AXDND1: variants seen among roughly 807,000 people sequenced by gnomAD.
The protein encoded by AXDND1 is axonemal dynein light chain domain-containing protein 1.
Under a neutral mutation model 137.5 loss-of-function variants are expected in AXDND1, and 110 were observed. The ratio of observed to expected loss-of-function variants is 0.80; its 90% CI spans 0.69 to 0.94. AXDND1 has a LOEUF of 0.94. AXDND1 is among the 40% of genes least tolerant of loss of function. AXDND1 has a pLI of 0.00. For missense variants in AXDND1, 1,191 were observed against 1,169.8 expected (o/e 1.02, Z -0.26); for synonymous variants, 414 against 399.7 (o/e 1.04, Z -0.43).
chr1:179,483,140 G>C lies in AXDND1; in HGVS notation c.2010G>C (p.Ala670=). ...ATTTTTCCTTCAGGGTACTCCAAGC[G>C]TATATATTTAACATGATTCAACAAT... is the stretch of plus-strand genomic sequence containing the variant. ...IDVDSVSVLQ[A]YIFNMIQQWL... The change falls in exon 18 of 26, where the codon GCG becomes GCC. Residue 670 remains alanine, a synonymous_variant. Coordinates refer to ENST00000367618, the MANE Select transcript of AXDND1 (RefSeq NM_144696.6). The C allele has an allele frequency of 6.3e-7, 1 of 1,597,742 alleles. No homozygotes were observed. Among genetic ancestry groups the C allele is most frequent in the Admixed American group, 1.7e-5 (1 of 58,000 alleles).
intron 15 of AXDND1, among the ~76,000 whole-genome samples, chr1:179,433,746 G>C (rs933582861): frequency 7.9e-5 from 12 of 152,168 alleles, no homozygotes; most frequent in African/African-American, 2.4e-5. Flanking sequence ...TATGATTTCA[G>C]TTCTTTTGCA....
chr1:179,382,243 T>TC, intron 6 of AXDND1, among the ~76,000 whole-genome samples: 1 of 131,046 alleles, frequency 7.6e-6, no homozygotes, highest in African/African-American at 2.8e-5. Context: ...CATGCCCGGC[T>TC]AATTCTTTTG....
intron 17 of AXDND1, among the ~76,000 whole-genome samples, chr1:179,476,383 A>G (rs963891198): frequency 1.3e-5 from 2 of 152,190 alleles, no homozygotes; most frequent in Admixed American, 1.3e-4. Flanking sequence ...TTCTTTAGTC[A>G]GTTAAGAAAT....
intron 16 of AXDND1, chr1:179,457,367 T>G (rs1209227983): frequency 5.3e-5 from 25 of 470,988 alleles, no homozygotes; most frequent in Admixed American, 3.5e-4. Flanking sequence ...TAATGATGCT[T>G]CTTCGGCGGC....
At chr1:179,428,470 T>C (rs1005421381) in intron 12 of AXDND1, among the ~76,000 whole-genome samples, 1 of 152,276 alleles carries the variant, frequency 6.6e-6, no homozygotes, top group Non-Finnish European at 1.5e-5. Context: ...AGTATTTCAT[T>C]AAATGACTAG....
intron 9 of AXDND1, among the ~76,000 whole-genome samples, chr1:179,386,296 C>T (rs1242282100): frequency 2.0e-5 from 3 of 152,164 alleles, no homozygotes; most frequent in South Asian, 2.1e-4. Flanking sequence ...GATCTGCCTG[C>T]CTTGGCCTTC....
intron 18 of AXDND1, among the ~76,000 whole-genome samples, chr1:179,487,171 A>G (rs1666174168): frequency 6.7e-6 from 1 of 148,610 alleles, no homozygotes; most frequent in South Asian, 2.1e-4. Context: ...TGCTATTCTA[A>G]TTTCAGAAAA....
At chr1:179,528,861 G>C (rs1312924880) in intron 23 of AXDND1, among the ~76,000 whole-genome samples, 1 of 151,764 alleles carries the variant, frequency 6.6e-6, no homozygotes, top group Non-Finnish European at 1.5e-5. Flanking sequence ...CAAAGAGCTG[G>C]GACTGCAGAC....
chr1:179,534,619 A>C, intron 24 of AXDND1, 111 bp from the exon 25 acceptor site: 2 of 1,360,918 alleles, frequency 1.5e-6, no homozygotes, highest in South Asian at 3.6e-5. Context: ...CCTTATTTCT[A>C]CCCTTCAGAC....
chr1:179,400,345 A>G (rs144647807), intron 11 of AXDND1, among the ~76,000 whole-genome samples: 3,025 of 152,176 alleles, frequency 0.02, 106 homozygotes, highest in African/African-American at 0.069. Flanking sequence ...CAAACATTGT[A>G]TGTTCTCACT....
chr1:179,472,764 T>G (rs1054921640), intron 17 of AXDND1, among the ~76,000 whole-genome samples: 3 of 152,200 alleles, frequency 2.0e-5, no homozygotes, highest in Non-Finnish European at 4.4e-5. Flanking sequence ...TTATTTTTAG[T>G]AACTTTTTAA....
At chr1:179,431,646 A>T (rs535167220) in intron 14 of AXDND1, among the ~76,000 whole-genome samples, 1 of 151,340 alleles carries the variant, frequency 6.6e-6, no homozygotes, top group African/African-American at 2.4e-5. Flanking sequence ...TCAGTTTTTC[A>T]TACCCCCTTA....
chr1:179,398,644 T>C (rs950780994), intron 11 of AXDND1, among the ~76,000 whole-genome samples: 130 of 151,922 alleles, frequency 8.6e-4, no homozygotes, highest in African/African-American at 2.9e-3. Context: ...GGTGGTGGTC[T>C]TAGCATGGGG....
At chr1:179,369,864 A>G (rs1667858065) in intron 3 of AXDND1, 111 bp from the exon 4 acceptor site, 1 of 662,638 alleles carries the variant, frequency 1.5e-6, no homozygotes, top group Admixed American at 3.0e-5. Flanking sequence ...TTTTCCTTAG[A>G]GTACCCAAGT....
At chr1:179,506,529 C>G (rs1186043056) in intron 20 of AXDND1, among the ~76,000 whole-genome samples, 1 of 152,062 alleles carries the variant, frequency 6.6e-6, no homozygotes, top group Non-Finnish European at 1.5e-5. Context: ...GTCAGCAGTT[C>G]GAGACCAGCC....
At chr1:179,533,669 C>A in intron 23 of AXDND1, 126 bp from the exon 24 acceptor site, 10 of 483,424 alleles carry the variant, frequency 2.1e-5, no homozygotes, top group Admixed American at 3.1e-5. Flanking sequence ...GCTTAACCAT[C>A]TATTAGATAG....
chr1:179,484,928 GC>G (rs1665858431), intron 18 of AXDND1, among the ~76,000 whole-genome samples: 1 of 152,146 alleles, frequency 6.6e-6, no homozygotes, highest in African/African-American at 2.4e-5. Flanking sequence ...GCCTGCCAGT[GC>G]CCCGCCACTG....
intron 17 of AXDND1, among the ~76,000 whole-genome samples, chr1:179,479,829 T>C (rs1458197666): frequency 6.6e-6 from 1 of 152,138 alleles, no homozygotes; most frequent in Non-Finnish European, 1.5e-5. Flanking sequence ...TTCTAAATAA[T>C]CTCTCTCAAG....
intron 12 of AXDND1, among the ~76,000 whole-genome samples, chr1:179,425,999 G>C (rs1420332674): frequency 6.6e-6 from 1 of 152,002 alleles, no homozygotes; most frequent in Non-Finnish European, 1.5e-5. Flanking sequence ...ACCACACCCA[G>C]ATAATTTTTG....
Sources: gnomAD v4.1 joint callset for allele counts (sites outside exome capture counted in the v4.1 genomes callset) on GRCh38, gnomAD v4.1.1 for gene constraint, MANE v1.5 for transcripts, NCBI Gene and HGNC (gene_info 2026-07-23, HGNC 2026-07-21) for gene names.